Variants in MTMR8 observed in about 807,000 individuals in gnomAD.
The protein encoded by MTMR8 is phosphatidylinositol-3,5-bisphosphate 3-phosphatase MTMR8.
Under a neutral mutation model 39.3 loss-of-function variants are expected in MTMR8, and 65 were observed. The ratio of observed to expected loss-of-function variants is 1.65; its 90% CI spans 1.35 to 2.03. MTMR8 has a LOEUF of 2.03. Among genes scored for constraint, MTMR8 ranks in the 30% most tolerant of loss-of-function variants. MTMR8 has a pLI of 0.00. For missense variants in MTMR8, 777 were observed against 538.9 expected, an observed-to-expected ratio of 1.44 and a Z score of -4.37; for synonymous variants, 245 against 185.2, an observed-to-expected ratio of 1.32 and a Z score of -2.62.
intron 1 of MTMR8, among the ~76,000 whole-genome samples, chrX:64,368,338 A>C (rs1369827469): frequency 9.0e-6 from 1 of 111,712 alleles, no homozygotes; most frequent in Non-Finnish European, 1.9e-5. Context: ...TGGAGGGGTC[A>C]CACTACCTGA....
At chrX:64,294,821 C>T (rs185080765) in intron 12 of MTMR8, among the ~76,000 whole-genome samples, 1 of 111,664 alleles carries the variant, frequency 9.0e-6, no homozygotes, top group East Asian at 2.8e-4. Flanking sequence ...CTCTTAATGC[C>T]TAGGCCTTAT....
intron 12 of MTMR8, among the ~76,000 whole-genome samples, chrX:64,314,226 G>A (rs146361409): frequency 0.019 from 2,173 of 112,931 alleles, 47 homozygotes; most frequent in African/African-American, 0.065. Flanking sequence ...TTCATAGGGT[G>A]ATGGTAGTGG....
chrX:64,279,897 C>A (rs2147129848), intron 12 of MTMR8, among the ~76,000 whole-genome samples: 1 of 111,993 alleles, frequency 8.9e-6, no homozygotes, highest in Admixed American at 9.5e-5. Flanking sequence ...GACAGTCTTT[C>A]AAACAAATGG....
At chrX:64,357,119 C>A (rs1469459647) in intron 2 of MTMR8, among the ~76,000 whole-genome samples, 2 of 111,821 alleles carry the variant, frequency 1.8e-5, no homozygotes, top group East Asian at 2.8e-4. Context: ...TAATATAATT[C>A]TCTCTTAATT....
At chrX:64,318,928 G>A (rs943374630) in intron 12 of MTMR8, among the ~76,000 whole-genome samples, 2 of 110,947 alleles carry the variant, frequency 1.8e-5, no homozygotes, top group African/African-American at 6.6e-5. Flanking sequence ...TGATCCACCC[G>A]CCTTGGCCTT....
At chrX:64,352,501 T>C (rs1456702384) in intron 4 of MTMR8, among the ~76,000 whole-genome samples, 1 of 111,604 alleles carries the variant, frequency 9.0e-6, no homozygotes, top group Non-Finnish European at 1.9e-5. Flanking sequence ...GAGCTCTTTC[T>C]TGAGATCCAA....
At chrX:64,356,120 A>T in intron 3 of MTMR8, 56 bp downstream of exon 3, 2 of 1,118,182 alleles carry the variant, frequency 1.8e-6, no homozygotes, top group African/African-American at 1.8e-5. Context: ...TCTTTCCATT[A>T]TGCCATTTTG....
At chrX:64,351,284 G>A (rs749765717) in intron 4 of MTMR8, among the ~76,000 whole-genome samples, 4 of 111,117 alleles carry the variant, frequency 3.6e-5, no homozygotes, top group South Asian at 3.8e-4. Flanking sequence ...ATGACCCTGC[G>A]AAGTCACAGC....
intron 12 of MTMR8, among the ~76,000 whole-genome samples, chrX:64,272,308 A>C (rs963804839): frequency 8.9e-6 from 1 of 112,041 alleles, no homozygotes; most frequent in African/African-American, 3.2e-5. Flanking sequence ...ATCCATGAAC[A>C]AAATGAAAAT....
intron 11 of MTMR8, among the ~76,000 whole-genome samples, chrX:64,329,441 A>C (rs1302239010): frequency 8.9e-6 from 1 of 111,737 alleles, no homozygotes; most frequent in East Asian, 2.8e-4. Flanking sequence ...GACAATTGGA[A>C]ATTTATACTA....
At chrX:64,352,364 C>A (rs768558284) in intron 4 of MTMR8, among the ~76,000 whole-genome samples, 1 of 111,318 alleles carries the variant, frequency 9.0e-6, no homozygotes, top group East Asian at 2.8e-4. Context: ...GATCCTTTCA[C>A]GGTAATAAAT....
At chrX:64,303,484 A>T (rs777910974) in intron 12 of MTMR8, among the ~76,000 whole-genome samples, 14 of 112,349 alleles carry the variant, frequency 1.2e-4, no homozygotes, top group Non-Finnish European at 2.4e-4. Context: ...ATTTTTAAAC[A>T]CAAAGTAGAT....
intron 12 of MTMR8, among the ~76,000 whole-genome samples, chrX:64,322,053 T>C (rs1278141209): frequency 2.7e-5 from 3 of 110,561 alleles, no homozygotes; most frequent in Non-Finnish European, 3.8e-5. Flanking sequence ...TTTTTGTTTT[T>C]TTTTTTTTGA....
rs145118889 is a variant in MTMR8 at position 64,331,650 on chromosome X, T to A, written c.1259A>T (p.Asn420Ile). 4.1e-6 allele frequency: 5 copies of A among 1,210,709 alleles called. No individual in the cohort carries two copies. Among genetic ancestry groups the A allele is most frequent in the Non-Finnish European group, 5.6e-6 (5 of 894,868 alleles). Reference protein sequence around the residue: ...MEQFPCAFEFNENFLLEIHDH... With the variant: ...MEQFPCAFEFIENFLLEIHDH... ...ATGAATCTCCAGCAGGAAGTTTTCA[T>A]TAAACTCAAAGGCACAGGGAAACTG... The change falls in exon 11 of 14, where the codon AAT becomes ATT. Residue 420 changes from asparagine to isoleucine, a missense_variant. Coordinates refer to ENST00000374852, the MANE Select transcript of MTMR8 (RefSeq NM_017677.4).
At chrX:64,292,163 A>C (rs1921418780) in intron 12 of MTMR8, among the ~76,000 whole-genome samples, 3 of 111,877 alleles carry the variant, frequency 2.7e-5, no homozygotes, top group African/African-American at 9.7e-5. Context: ...CAGATATGTC[A>C]GTCCGATGCT....
intron 12 of MTMR8, among the ~76,000 whole-genome samples, chrX:64,288,758 T>C (rs887847747): frequency 7.2e-5 from 8 of 110,446 alleles, no homozygotes; most frequent in African/African-American, 2.6e-4. Context: ...CTCAGCAAAC[T>C]ATCGCAAGGA....
intron 12 of MTMR8, chrX:64,306,687 T>G (rs12394056): frequency 0.14 from 15,736 of 112,475 alleles, 2,698 homozygotes; most frequent in African/African-American, 0.48. Context: ...AGTTGTGGAC[T>G]TTGTTCTCAA....
intron 12 of MTMR8, among the ~76,000 whole-genome samples, chrX:64,304,860 TTATATATATATATATATATA>T (rs751399962): frequency 0.034 from 976 of 28,561 alleles, 43 homozygotes; most frequent in African/African-American, 0.061. Flanking sequence ...GATCAAACAT[TTATATATATATATATATATA>T]TATATATATA....
intron 7 of MTMR8, among the ~76,000 whole-genome samples, chrX:64,344,670 C>T (rs888465808): frequency 9.0e-6 from 1 of 111,300 alleles, no homozygotes; most frequent in African/African-American, 3.3e-5. Context: ...AATCCTTATA[C>T]CAAATTAAAG....
Sources: allele counts gnomAD v4.1 joint callset (sites outside exome capture counted in the v4.1 genomes callset), GRCh38; gene constraint gnomAD v4.1.1; transcripts MANE v1.5; gene names NCBI Gene and HGNC (gene_info 2026-07-23, HGNC 2026-07-21).